GRIK4: variants seen among roughly 807,000 people sequenced by gnomAD.
GRIK4 encodes the protein glutamate receptor ionotropic, kainate 4.
Under a neutral mutation model 104.9 loss-of-function variants are expected in GRIK4, and 40 were observed. The ratio of observed to expected loss-of-function variants is 0.38; its 90% CI spans 0.30 to 0.50. The LOEUF (loss-of-function observed/expected upper bound fraction) is 0.50. GRIK4 is among the 20% of genes least tolerant of loss of function. The pLI is 0.93. For missense variants in GRIK4, 1,047 were observed against 1,308.1 expected (o/e 0.80, Z 3.08); for synonymous variants, 485 against 524.9 (o/e 0.92, Z 1.04).
intron 1 of GRIK4, among the ~76,000 whole-genome samples, chr11:120,557,426 C>T (rs1231502672): frequency 6.6e-6 from 1 of 152,242 alleles, no homozygotes; most frequent in Non-Finnish European, 1.5e-5. Context: ...CACTTGTTTG[C>T]AGTTTCCCAG....
intron 3 of GRIK4, among the ~76,000 whole-genome samples, chr11:120,729,081 C>T (rs117425254): frequency 0.035 from 5,346 of 152,222 alleles, 124 homozygotes; most frequent in East Asian, 0.094. Flanking sequence ...TATTTTGTTG[C>T]AAATAATATT....
chr11:120,760,352 A>G (rs1297427825), intron 3 of GRIK4, among the ~76,000 whole-genome samples: 1 of 148,622 alleles, frequency 6.7e-6, no homozygotes, highest in Non-Finnish European at 1.5e-5. Context: ...ATATATATAC[A>G]CACAATGGAA....
chr11:120,875,842 C>T (rs1397857339), intron 11 of GRIK4, among the ~76,000 whole-genome samples: 1 of 152,148 alleles, frequency 6.6e-6, no homozygotes, highest in African/African-American at 2.4e-5. Flanking sequence ...GATCTTCCTC[C>T]ATCAGAAGAA....
chr11:120,584,575 A>C (rs1219493301), intron 1 of GRIK4, among the ~76,000 whole-genome samples: 1 of 152,184 alleles, frequency 6.6e-6, no homozygotes, highest in Non-Finnish European at 1.5e-5. Context: ...ATGAGAACTC[A>C]CTATTGTGAA....
intron 7 of GRIK4, among the ~76,000 whole-genome samples, chr11:120,835,973 C>A (rs143672949): frequency 6.6e-6 from 1 of 152,188 alleles, no homozygotes; most frequent in Non-Finnish European, 1.5e-5. Context: ...TGATTCCTTA[C>A]GACAAATAAA....
chr11:120,794,016 G>T (rs1202700579), intron 3 of GRIK4, among the ~76,000 whole-genome samples: 2 of 151,574 alleles, frequency 1.3e-5, no homozygotes, highest in Admixed American at 6.6e-5. Context: ...AGTTGTTAGG[G>T]CTGAGAGCCA....
rs560854777 is a variant in GRIK4 at position 120,809,594 on chromosome 11, A to G, written c.248-5784A>G. 4.6e-5 allele frequency among the ~76,000 whole-genome samples: 7 copies of G among 152,374 alleles called. No individual in the cohort carries two copies. In the South Asian group the frequency reaches 1.4e-3, roughly 32 times the overall value. ...TTTCAGTTCAGTTGAGCAAACATTT[A>G]ATGAGCAATTTCTTTTTGCCAGGGC... On this transcript the variant is annotated intron_variant, in intron 4 of 20. Transcript: ENST00000527524.
At chr11:120,802,435 C>T (rs1232091009) in intron 3 of GRIK4, among the ~76,000 whole-genome samples, 2 of 152,230 alleles carry the variant, frequency 1.3e-5, no homozygotes, top group Non-Finnish European at 2.9e-5. Context: ...GACAGGACCC[C>T]TAGTGGCCTG....
At chr11:120,589,341 C>A (rs1757592094) in intron 1 of GRIK4, among the ~76,000 whole-genome samples, 1 of 152,162 alleles carries the variant, frequency 6.6e-6, no homozygotes, top group Admixed American at 6.5e-5. Flanking sequence ...GGTATACAGC[C>A]CTTATTTCTT....
intron 1 of GRIK4, among the ~76,000 whole-genome samples, chr11:120,560,934 C>T (rs1191463897): frequency 6.6e-6 from 1 of 152,206 alleles, no homozygotes; most frequent in Non-Finnish European, 1.5e-5. Context: ...CTTCCTCCTT[C>T]CCCCCTTCCA....
Position 120,524,061 on chromosome 11 carries a change from G to A in GRIK4, c.-159+12174G>A. The stretch of plus-strand genomic sequence containing the variant: ...CCTGCCTCAGCCTCCCGAGTAGCTG[G>A]GACTACAGGCGCACACCACCATGCC... On this transcript the variant is annotated intron_variant, in intron 1 of 20. Coordinates refer to ENST00000527524, the MANE Select transcript of GRIK4 (RefSeq NM_014619.5). This position sits in a 1 kb window ranked among gnomAD's most constrained non-coding sequence, Gnocchi z 4.5. Among the ~76,000 whole-genome samples the A allele has an allele frequency of 6.6e-6, 1 of 152,162 alleles. No homozygotes were observed. Among genetic ancestry groups the A allele is most frequent in the Non-Finnish European group, 1.5e-5 (1 of 68,002 alleles).
intron 11 of GRIK4, among the ~76,000 whole-genome samples, chr11:120,880,031 G>A (rs890657888): frequency 6.6e-6 from 1 of 152,236 alleles, no homozygotes; most frequent in Admixed American, 6.5e-5. Flanking sequence ...TCTGAGGATT[G>A]GAAATGGCTT....
chr11:120,773,228 A>G (rs979790039), intron 3 of GRIK4, among the ~76,000 whole-genome samples: 6 of 152,198 alleles, frequency 3.9e-5, no homozygotes, highest in Non-Finnish European at 7.3e-5. Context: ...TGTGGTCTGA[A>G]GCCCACCCTT....
Position 120,903,033 on chromosome 11 carries a change from A to G in GRIK4, c.1273-2257A>G. ...TCCTGCTCTCCCTCACAGTCCCTCC[A>G]TGACCTTGTGTCTGTCTGGCCCTCC... On this transcript the variant is annotated intron_variant, in intron 12 of 20. Transcript: ENST00000527524. The surrounding 1 kb of genome is among the most constrained non-coding windows in gnomAD (Gnocchi z 4.4). 6.6e-6 allele frequency among the ~76,000 whole-genome samples: 1 copy of G among 152,160 alleles called. No individual in the cohort carries two copies.
At chr11:120,895,558 C>T (rs1440106038) in intron 11 of GRIK4, among the ~76,000 whole-genome samples, 2 of 152,140 alleles carry the variant, frequency 1.3e-5, no homozygotes, top group African/African-American at 4.8e-5. Flanking sequence ...GAAGCCATTC[C>T]CCGGTTAGCC....
chr11:120,937,631 T>A (rs1169353910), intron 13 of GRIK4, among the ~76,000 whole-genome samples: 1 of 152,166 alleles, frequency 6.6e-6, no homozygotes, highest in East Asian at 1.9e-4. Context: ...CAGCAATGTG[T>A]GCATGAAGCC....
chr11:120,817,885 C>CT (rs549498078), intron 5 of GRIK4, among the ~76,000 whole-genome samples: 1 of 152,338 alleles, frequency 6.6e-6, no homozygotes, highest in African/African-American at 2.4e-5. Flanking sequence ...GAGAAAGAGC[C>CT]TTGCGCAAGC....
intron 3 of GRIK4, among the ~76,000 whole-genome samples, chr11:120,661,406 C>T (rs1409740714): frequency 2.0e-5 from 3 of 151,702 alleles, no homozygotes; most frequent in Non-Finnish European, 2.9e-5. Flanking sequence ...GTTACCCCAA[C>T]GGATAACCAC....
At chr11:120,898,484 C>T (rs928881063) in intron 11 of GRIK4, 48 bp from the exon 12 acceptor site, 3 of 1,086,412 alleles carry the variant, frequency 2.8e-6, no homozygotes, top group South Asian at 1.3e-5. Context: ...CTCCTTCCAG[C>T]TCTGGAGGCC....
Sources: gnomAD v4.1 joint callset for allele counts (sites outside exome capture counted in the v4.1 genomes callset) on GRCh38, gnomAD v4.1.1 for gene constraint, Gnocchi (gnomAD v3.1) non-coding constraint, MANE v1.5 for transcripts, NCBI Gene and HGNC (gene_info 2026-07-23, HGNC 2026-07-21) for gene names.